The following SLC35F4 variants were observed in gnomAD, a reference collection of about 807,000 sequenced individuals.
The protein encoded by SLC35F4 is solute carrier family 35 member F4.
In SLC35F4, 24 loss-of-function variants were observed where a neutral mutation model predicts 44.2. The ratio of observed to expected loss-of-function variants is 0.54; its 90% confidence interval spans 0.39 to 0.76. The LOEUF (loss-of-function observed/expected upper bound fraction) is 0.76. Ranked by LOEUF, SLC35F4 falls within the 30% of genes least tolerant of loss-of-function variation. The pLI, the probability that SLC35F4 is intolerant of heterozygous loss-of-function variation, is 0.00. For synonymous variants in SLC35F4, 238 were observed against 223.6 expected (o/e 1.06, Z -0.57); for missense variants, 562 against 586.1 (o/e 0.96, Z 0.42).
chr14:57,656,183 C>T (rs1415342031), intron 1 of SLC35F4, among the ~76,000 whole-genome samples: 1 of 152,054 alleles, frequency 6.6e-6, no homozygotes, highest in Non-Finnish European at 1.5e-5. Flanking sequence ...GCGTATTAAC[C>T]ACATGAGGCT....
intron 1 of SLC35F4, among the ~76,000 whole-genome samples, chr14:57,666,814 G>A (rs2074324625): frequency 1.3e-5 from 2 of 151,774 alleles, no homozygotes; most frequent in African/African-American, 4.8e-5. Context: ...AGTAAGCATT[G>A]TGGGGACCTA....
intron 1 of SLC35F4, among the ~76,000 whole-genome samples, chr14:57,740,702 C>G (rs2076584517): frequency 6.6e-6 from 1 of 152,116 alleles, no homozygotes; most frequent in South Asian, 2.1e-4. Context: ...ATGGCTATCC[C>G]AAGTACACTG....
At chr14:57,939,389 A>C (rs976734783) in intron 1 of SLC35F4, among the ~76,000 whole-genome samples, 1 of 152,154 alleles carries the variant, frequency 6.6e-6, no homozygotes, top group African/African-American at 2.4e-5. Context: ...TGCCAGAGCA[A>C]AAGAGAAGAG....
At chr14:57,980,833 A>G (rs1224157046) in intron 1 of SLC35F4, among the ~76,000 whole-genome samples, 2 of 152,220 alleles carry the variant, frequency 1.3e-5, no homozygotes, top group Non-Finnish European at 2.9e-5. Flanking sequence ...CTAAATAGCT[A>G]CATGTGGCTA....
At chr14:57,585,469 A>C (rs971796769) in intron 3 of SLC35F4, among the ~76,000 whole-genome samples, 1 of 152,184 alleles carries the variant, frequency 6.6e-6, no homozygotes, top group Admixed American at 6.5e-5. Context: ...CCTATTCAAC[A>C]TAGTATTGGA....
intron 1 of SLC35F4, among the ~76,000 whole-genome samples, chr14:57,810,320 A>G (rs1463359410): frequency 6.6e-6 from 1 of 152,240 alleles, no homozygotes; most frequent in Non-Finnish European, 1.5e-5. Flanking sequence ...GAAAATTCTT[A>G]TTGGACAGGT....
chr14:57,718,799 C>T (rs902942045), intron 1 of SLC35F4, among the ~76,000 whole-genome samples: 3 of 152,068 alleles, frequency 2.0e-5, no homozygotes, highest in African/African-American at 4.8e-5. Context: ...GTTGTCTCTT[C>T]ACTTTGTTGA....
intron 1 of SLC35F4, chr14:57,629,966 G>A: frequency 5.8e-6 from 3 of 518,634 alleles, no homozygotes; most frequent in South Asian, 2.8e-5. Flanking sequence ...GATGACACCA[G>A]GTATGAAGAT....
chr14:57,667,441 G>C (rs944459305), intron 1 of SLC35F4, among the ~76,000 whole-genome samples: 11 of 150,924 alleles, frequency 7.3e-5, no homozygotes, highest in Non-Finnish European at 8.8e-5. Context: ...CCATTAACTC[G>C]TCATTTAACA....
chr14:57,753,554 A>G (rs1013898129), intron 1 of SLC35F4, among the ~76,000 whole-genome samples: 5 of 152,118 alleles, frequency 3.3e-5, no homozygotes, highest in Non-Finnish European at 7.4e-5. Context: ...GCCTTCACAC[A>G]TCTCTAGACC....
At chr14:57,636,902 T>C (rs946674541) in intron 1 of SLC35F4, among the ~76,000 whole-genome samples, 3 of 152,100 alleles carry the variant, frequency 2.0e-5, no homozygotes, top group African/African-American at 7.2e-5. Flanking sequence ...TTTTACATTA[T>C]AAAAAGTGAC....
At chr14:57,623,382 T>C (rs568354969) in intron 1 of SLC35F4, among the ~76,000 whole-genome samples, 26 of 152,298 alleles carry the variant, frequency 1.7e-4, no homozygotes, top group African/African-American at 5.5e-4. Context: ...AACACCCCAC[T>C]GTCAACATTA....
chr14:57,794,755 A>C (rs909831876), intron 1 of SLC35F4, among the ~76,000 whole-genome samples: 1 of 151,250 alleles, frequency 6.6e-6, no homozygotes, highest in African/African-American at 2.4e-5. Context: ...TGTTCTATAA[A>C]TGCTATGACT....
At chr14:57,959,373 C>T (rs1413957794) in intron 1 of SLC35F4, among the ~76,000 whole-genome samples, 1 of 152,122 alleles carries the variant, frequency 6.6e-6, no homozygotes, top group African/African-American at 2.4e-5. Context: ...ATTATAAAGG[C>T]AGTACATGTG....
intron 1 of SLC35F4, among the ~76,000 whole-genome samples, chr14:57,930,933 G>A (rs1406318460): frequency 1.3e-5 from 2 of 152,150 alleles, no homozygotes; most frequent in Non-Finnish European, 2.9e-5. Flanking sequence ...GGAAAACCCT[G>A]AAGTGGCAAT....
chr14:57,744,957 T>C (rs2076716830), intron 1 of SLC35F4, among the ~76,000 whole-genome samples: 1 of 150,060 alleles, frequency 6.7e-6, no homozygotes, highest in South Asian at 2.2e-4. Context: ...AACCATCTGA[T>C]CTTTGACAAA....
chr14:57,686,547 T>C (rs547462481), intron 1 of SLC35F4, among the ~76,000 whole-genome samples: 45 of 152,276 alleles, frequency 3.0e-4, no homozygotes, highest in African/African-American at 1.0e-3. Context: ...ATGAGAGCCT[T>C]TTTTTCTGAA....
At chr14:57,623,232 TA>T (rs1175514154) in intron 1 of SLC35F4, among the ~76,000 whole-genome samples, 11 of 152,038 alleles carry the variant, frequency 7.2e-5, no homozygotes, top group Non-Finnish European at 1.5e-5. Context: ...TACATAATGG[TA>T]AAGGGATCAA....
At chr14:57,780,432 C>T (rs986262917) in intron 1 of SLC35F4, among the ~76,000 whole-genome samples, 1 of 151,760 alleles carries the variant, frequency 6.6e-6, no homozygotes, top group Non-Finnish European at 1.5e-5. Flanking sequence ...AAAAAAAAAT[C>T]GGAGATGACA....
Sources: gnomAD v4.1 joint callset for allele counts (sites outside exome capture counted in the v4.1 genomes callset) on GRCh38, gnomAD v4.1.1 for gene constraint, MANE v1.5 for transcripts, NCBI Gene and HGNC (gene_info 2026-07-23, HGNC 2026-07-21) for gene names.